Variants in CFAP77 observed in about 807,000 individuals in gnomAD.
The protein encoded by CFAP77 is cilia and flagella associated protein 77, also known as cilia- and flagella-associated protein 77.
Under a neutral mutation model 31.1 loss-of-function variants are expected in CFAP77, and 25 were observed. The observed-to-expected ratio is 0.80, with a 90% CI of 0.59 to 1.12. CFAP77 has a LOEUF of 1.12. Among genes scored for constraint, CFAP77 ranks in the 50% most tolerant of loss-of-function variants. CFAP77 has a pLI of 0.00. For synonymous variants in CFAP77, 151 were observed against 159.9 expected (o/e 0.94, Z 0.42); for missense variants, 377 against 397.3 (o/e 0.95, Z 0.44).
chr9:132,499,408 CCTGCCCCCA>C lies in CFAP77; in HGVS notation c.334_342del (p.Cys112_His114del). 3.7e-6 allele frequency: 6 copies of C among 1,614,244 alleles called. No homozygotes were observed. Among genetic ancestry groups the C allele is most frequent in the Non-Finnish European group, 5.1e-6 (6 of 1,180,046 alleles). On this transcript the variant is annotated inframe_deletion, in exon 3 of 6. Transcript: ENST00000393216. This position sits in a 1 kb window ranked among gnomAD's most constrained non-coding sequence, Gnocchi z 5.4. ...TGGAACGTGTTCAAGCAGCAGCCCA[CCTGCCCCCA>C]CGAGCTGACCCGGAATTATATCGCA...
At chr9:132,524,710 G>A (rs936550542) in intron 3 of CFAP77, among the ~76,000 whole-genome samples, 37 of 151,696 alleles carry the variant, frequency 2.4e-4, no homozygotes, top group African/African-American at 7.7e-4. Context: ...GTGCAGTGGC[G>A]TGATCTCGGC....
In CFAP77 at chr9:132,424,889, T is replaced by G. The variant is rs1850287470; in HGVS notation, c.195+14423T>G. ...CCTCTCCCAAACACGGCTCCCTTCTTCTCCCCACCTCCCTAATCAGAGAGA... is the reference window on the plus strand; with the variant it reads ...CCTCTCCCAAACACGGCTCCCTTCTGCTCCCCACCTCCCTAATCAGAGAGA... On this transcript the variant is annotated intron_variant, in intron 1 of 5. Transcript: ENST00000393216. The surrounding 1 kb of genome is among the most constrained non-coding windows in gnomAD (Gnocchi z 4.1). Among the ~76,000 whole-genome samples, 6 of 152,064 alleles carry G rather than the reference T, an allele frequency of 3.9e-5. No individual in the cohort carries two copies. The highest frequency in any genetic ancestry group is 3.9e-4 in the Admixed American group (6 of 15,272).
chr9:132,487,147 A>G (rs1851576072), intron 1 of CFAP77, among the ~76,000 whole-genome samples: 2 of 152,250 alleles, frequency 1.3e-5, no homozygotes, highest in Non-Finnish European at 2.9e-5. Flanking sequence ...AATAGAAGCC[A>G]TCGGTTACTG....
At chr9:132,503,144 G>C (rs1354285609) in intron 3 of CFAP77, among the ~76,000 whole-genome samples, 1 of 152,146 alleles carries the variant, frequency 6.6e-6, no homozygotes, top group Non-Finnish European at 1.5e-5. Context: ...CTTCGGGGCT[G>C]GATTAATGAA....
chr9:132,422,929 C>A (rs1850247232), intron 1 of CFAP77, among the ~76,000 whole-genome samples: 1 of 152,202 alleles, frequency 6.6e-6, no homozygotes, highest in Admixed American at 6.5e-5. Context: ...TCCTTCCAGG[C>A]TGGTTTAGGG....
chr9:132,559,563 C>A (rs922333407), intron 5 of CFAP77, among the ~76,000 whole-genome samples: 1 of 152,060 alleles, frequency 6.6e-6, no homozygotes, highest in Non-Finnish European at 1.5e-5. Flanking sequence ...GAAATTGGAA[C>A]ACCCATACGT....
chr9:132,411,199 C>A (rs1210268662), intron 1 of CFAP77, among the ~76,000 whole-genome samples: 1 of 152,160 alleles, frequency 6.6e-6, no homozygotes, highest in African/African-American at 2.4e-5. Context: ...CAGGCTGAGG[C>A]TTGGGGGTCA....
At chr9:132,534,937 G>A (rs963872470) in intron 3 of CFAP77, among the ~76,000 whole-genome samples, 27 of 152,334 alleles carry the variant, frequency 1.8e-4, no homozygotes, top group Admixed American at 1.8e-3. Context: ...AGTAGCCTCT[G>A]ACAGCCTTCT....
intron 4 of CFAP77, among the ~76,000 whole-genome samples, chr9:132,540,399 C>G (rs1328226759): frequency 1.3e-5 from 2 of 152,146 alleles, no homozygotes; most frequent in African/African-American, 4.8e-5. Flanking sequence ...GAGTGAGTCT[C>G]TCTTTGTTGG....
chr9:132,446,738 C>A (rs1327873056), intron 1 of CFAP77, among the ~76,000 whole-genome samples: 1 of 126,136 alleles, frequency 7.9e-6, no homozygotes, highest in African/African-American at 3.4e-5. Context: ...AAAACTCCTC[C>A]GTCTCAAAAA....
chr9:132,417,295 A>G (rs1465876880), intron 1 of CFAP77, among the ~76,000 whole-genome samples: 4 of 151,956 alleles, frequency 2.6e-5, no homozygotes, highest in Non-Finnish European at 5.9e-5. Flanking sequence ...TTGTATTTTT[A>G]GTAGAAACGG....
rs920209708 is a variant in CFAP77 at position 132,511,463 on chromosome 9, G to A, written c.524+11863G>A. Among the ~76,000 whole-genome samples the A allele has an allele frequency of 1.3e-5, 2 of 152,230 alleles. No individual in the cohort carries two copies. The highest frequency in any genetic ancestry group is 2.9e-5 in the Non-Finnish European group (2 of 68,038). Reference sequence around the variant, plus strand: ...CACCAGACTCAGTGGGGCGGGCCTGGTGTTGCCCACTCCTCCTTCCCCAGT... The same window carrying A: ...CACCAGACTCAGTGGGGCGGGCCTGATGTTGCCCACTCCTCCTTCCCCAGT... On this transcript the variant is annotated intron_variant, in intron 3 of 5. Transcript: ENST00000393216. This position sits in a 1 kb window ranked among gnomAD's most constrained non-coding sequence, Gnocchi z 5.8.
chr9:132,502,821 C>T (rs971773010), intron 3 of CFAP77, among the ~76,000 whole-genome samples: 8 of 152,110 alleles, frequency 5.3e-5, no homozygotes, highest in Non-Finnish European at 1.2e-4. Flanking sequence ...GTGTAGACCC[C>T]GTAGTGGGAT....
chr9:132,542,665 G>A (rs1852664873), intron 4 of CFAP77, among the ~76,000 whole-genome samples: 1 of 152,202 alleles, frequency 6.6e-6, no homozygotes, highest in African/African-American at 2.4e-5. Context: ...ATGCCCTGAG[G>A]GTGGCTGCAC....
At chr9:132,548,681 G>C (rs1024091274) in intron 5 of CFAP77, among the ~76,000 whole-genome samples, 2 of 151,956 alleles carry the variant, frequency 1.3e-5, no homozygotes, top group African/African-American at 4.8e-5. Context: ...TTGGCTGGCG[G>C]GGGGGTCTCC....
intron 3 of CFAP77, among the ~76,000 whole-genome samples, chr9:132,526,595 A>G (rs1852369464): frequency 7.6e-6 from 1 of 131,840 alleles, no homozygotes; most frequent in Admixed American, 7.2e-5. Flanking sequence ...AACAAAATTG[A>G]TAGACAGCTA....
chr9:132,509,425 G>A (rs1278530983), intron 3 of CFAP77, among the ~76,000 whole-genome samples: 1 of 152,198 alleles, frequency 6.6e-6, no homozygotes, highest in Non-Finnish European at 1.5e-5. Flanking sequence ...CTCAAGGCCT[G>A]CCTGCTTCCA....
At chr9:132,540,345 A>T (rs1852619290) in intron 4 of CFAP77, among the ~76,000 whole-genome samples, 1 of 152,178 alleles carries the variant, frequency 6.6e-6, no homozygotes, top group South Asian at 2.1e-4. Context: ...CCCCCAAAAC[A>T]GCTCGTGTGG....
intron 1 of CFAP77, among the ~76,000 whole-genome samples, chr9:132,430,177 T>C (rs182975435): frequency 6.6e-6 from 1 of 152,270 alleles, no homozygotes; most frequent in Non-Finnish European, 1.5e-5. Context: ...CATTCATAAA[T>C]TTTTTAAAAT....
Sources: allele counts gnomAD v4.1 joint callset (sites outside exome capture counted in the v4.1 genomes callset), GRCh38; gene constraint gnomAD v4.1.1; non-coding constraint Gnocchi (gnomAD v3.1); transcripts MANE v1.5; gene names NCBI Gene and HGNC (gene_info 2026-07-23, HGNC 2026-07-21).